Variants in DNAH5 observed in about 807,000 individuals in gnomAD.
The protein encoded by DNAH5 is dynein axonemal heavy chain 5.
A neutral mutation model predicts 518.2 loss-of-function variants in DNAH5; 372 were observed. The observed-to-expected ratio is 0.72, with a 90% CI of 0.66 to 0.78. The LOEUF (loss-of-function observed/expected upper bound fraction) is 0.78, where lower values mean the gene tolerates loss of function less well. DNAH5 is among the 30% of genes least tolerant of loss of function. The pLI, the probability that DNAH5 is intolerant of heterozygous loss-of-function variation, is 0.00. For missense variants in DNAH5, 5,523 were observed against 5,687.0 expected (o/e 0.97, Z 0.93); for synonymous variants, 2,039 against 2,025.9 (o/e 1.01, Z -0.17).
chr5:14,000,078 C>G (rs1216977771), intron 1 of DNAH5, among the ~76,000 whole-genome samples: 1 of 152,190 alleles, frequency 6.6e-6, no homozygotes, highest in Non-Finnish European at 1.5e-5. Flanking sequence ...CCAACCACCC[C>G]CAAAGTACTT....
At position 13,867,932 on chromosome 5, in the gene DNAH5, C is replaced by A. The variant is rs767853104; in HGVS notation, c.3895G>T (p.Val1299Phe). 63 of 1,613,958 alleles carry A rather than the reference C, an allele frequency of 3.9e-5. No individual in the cohort carries two copies. The highest frequency in any genetic ancestry group is 5.0e-5 in the Non-Finnish European group (59 of 1,179,984). ...LLIAREEIDK[V>F]DTLHYAWEKL... The stretch of plus-strand genomic sequence containing the variant: ...TCCCAAGCATAGTGCAGTGTATCAA[C>A]TTTGTCTATCTCTTCCCTTGCTATC... The change falls in exon 25 of 79, where the codon GTT (valine) becomes TTT (phenylalanine). Residue 1299 changes from valine (V) to phenylalanine (F), a missense_variant. Physicochemically the swap from Val to Phe is conservative, Grantham distance 50 (BLOSUM62 -1). Coordinates refer to ENST00000265104, the MANE Select transcript of DNAH5 (RefSeq NM_001369.3).
intron 68 of DNAH5, among the ~76,000 whole-genome samples, chr5:13,730,481 C>T (rs1746338405): frequency 6.6e-6 from 1 of 152,170 alleles, no homozygotes; most frequent in African/African-American, 2.4e-5. Context: ...GTAGCCCAGG[C>T]TGGAGTGCAG....
rs564678979 is a variant in DNAH5, at chr5:13,910,791, G to A, written c.1644+595C>T. ...AACTGGCTAGCCCAACCCCTTCCTCGGGAATCTGGAGCTGGCCTGGTCCTG... is the reference window on the plus strand; with the variant it reads ...AACTGGCTAGCCCAACCCCTTCCTCAGGAATCTGGAGCTGGCCTGGTCCTG... On this transcript the variant is annotated intron_variant, in intron 12 of 78. Coordinates refer to ENST00000265104, the MANE Select transcript of DNAH5 (RefSeq NM_001369.3). Among the ~76,000 whole-genome samples, 8 of 152,260 alleles carry A rather than the reference G, an allele frequency of 5.3e-5. No homozygotes were observed. In the East Asian group the frequency reaches 7.7e-4, roughly 15 times the overall value.
At chr5:13,943,041 C>T (rs1779608978) in intron 1 of DNAH5, among the ~76,000 whole-genome samples, 1 of 152,080 alleles carries the variant, frequency 6.6e-6, no homozygotes, top group South Asian at 2.1e-4. Context: ...AACCAGCATC[C>T]TAAATATATA....
chr5:13,740,283 A>G (rs1053888309), intron 65 of DNAH5, among the ~76,000 whole-genome samples: 1 of 151,950 alleles, frequency 6.6e-6, no homozygotes, highest in East Asian at 1.9e-4. Context: ...TCCCTACCCC[A>G]GCCTTACCCC....
intron 75 of DNAH5, among the ~76,000 whole-genome samples, chr5:13,711,867 CACAG>C (rs1302779661): frequency 2.0e-5 from 3 of 152,138 alleles, no homozygotes; most frequent in African/African-American, 7.2e-5. Context: ...TGAAAGAAAT[CACAG>C]ACAACACAAA....
chr5:13,715,560 G>A (rs1744180841), intron 74 of DNAH5, among the ~76,000 whole-genome samples: 1 of 152,166 alleles, frequency 6.6e-6, no homozygotes, highest in Non-Finnish European at 1.5e-5. Flanking sequence ...GTATATCAAA[G>A]CAACATGTAA....
At chr5:13,977,269 G>A (rs533657762) in intron 1 of DNAH5, among the ~76,000 whole-genome samples, 33 of 152,264 alleles carry the variant, frequency 2.2e-4, no homozygotes, top group African/African-American at 7.9e-4. Flanking sequence ...CTCAGGTGGA[G>A]GCTTGCCCAG....
At chr5:13,916,568 T>G (rs1031700345) in intron 8 of DNAH5, 113 bp from the exon 9 acceptor site, 1 of 559,414 alleles carries the variant, frequency 1.8e-6, no homozygotes, top group African/African-American at 1.9e-5. Context: ...TATTAAAGAT[T>G]TAAAAATACT....
At chr5:13,717,781 T>C (rs1024127254) in intron 72 of DNAH5, among the ~76,000 whole-genome samples, 32 of 152,110 alleles carry the variant, frequency 2.1e-4, no homozygotes, top group Non-Finnish European at 4.4e-5. Flanking sequence ...AACAAGATCA[T>C]GTGGGGGTAA....
intron 31 of DNAH5, among the ~76,000 whole-genome samples, chr5:13,848,560 G>T (rs569829822): frequency 6.6e-6 from 1 of 152,070 alleles, no homozygotes; most frequent in Admixed American, 6.5e-5. Flanking sequence ...TCACCATAAC[G>T]TAGAATCAGT....
rs185647069 is a variant in DNAH5 at position 13,823,283 on chromosome 5, C to G, written c.6667G>C (p.Glu2223Gln). 6.2e-7 allele frequency: 1 copy of G among 1,612,434 alleles called. No individual in the cohort carries two copies. The highest frequency in any genetic ancestry group is 1.7e-5 in the Admixed American group (1 of 60,012). ...LLDKAGYPEL[E>Q]AAISRQVEEA... ...ATTACCTGTCTACTAATTGCTGCTT[C>G]CAGTTCAGGGTAACCTGCCTTGTCC... The change falls in exon 40 of 79, where the codon GAA becomes CAA. Residue 2223 changes from glutamate (E) to glutamine (Q), a missense_variant. This residue lies in a region of DNAH5 where 5,121 missense variants were observed against 5,223.3 expected (regional missense o/e 0.98). Coordinates refer to ENST00000265104, the MANE Select transcript of DNAH5 (RefSeq NM_001369.3).
At chr5:13,748,455 T>C (rs1382581393) in intron 65 of DNAH5, among the ~76,000 whole-genome samples, 2 of 152,210 alleles carry the variant, frequency 1.3e-5, no homozygotes, top group Non-Finnish European at 2.9e-5. Flanking sequence ...ATTGAATCTA[T>C]AAATTACTTT....
At chr5:14,003,754 C>T (rs1784521549) in intron 1 of DNAH5, among the ~76,000 whole-genome samples, 1 of 152,248 alleles carries the variant, frequency 6.6e-6, no homozygotes, top group Non-Finnish European at 1.5e-5. Flanking sequence ...AAGCCTTGCT[C>T]TCTGGAATAC....
At position 13,850,577 on chromosome 5, in the gene DNAH5, G is replaced by C. The variant is rs1766688917; in HGVS notation, c.5114+75C>G. On this transcript the variant is annotated intron_variant, in intron 31 of 78. Coordinates refer to ENST00000265104, the MANE Select transcript of DNAH5 (RefSeq NM_001369.3). ...GCCTTAGCAAAAGAAAACAAATTTG[G>C]CTAATGCTATCTAGTCTCCCTGTAT... The C allele has an allele frequency of 6.7e-6, 9 of 1,340,116 alleles. No individual in the cohort carries two copies. In the South Asian group the frequency reaches 1.1e-4, roughly 16 times the overall value. The allele number at this position is 1,340,116 out of a possible 1,614,324, so 83.0% of individuals were successfully genotyped here.
chr5:13,740,001 G>A (rs1053449712), intron 65 of DNAH5, among the ~76,000 whole-genome samples: 5 of 152,006 alleles, frequency 3.3e-5, no homozygotes, highest in Admixed American at 6.6e-5. Flanking sequence ...AAAACTAAAC[G>A]TCTGATCCTC....
At chr5:13,924,853 T>C (rs1438111892) in intron 3 of DNAH5, among the ~76,000 whole-genome samples, 4 of 152,190 alleles carry the variant, frequency 2.6e-5, no homozygotes, top group African/African-American at 9.7e-5. Context: ...ATTGAGTAGA[T>C]AATTTAAGTA....
rs189535922 is a variant in DNAH5, at chr5:13,887,653, C to T, written c.2578-1524G>A. ...TGGCAAACCAGGAACCTACTAGACG[C>T]CATGTCTTCTCAAGGTCTCTTCACC... is the stretch of plus-strand genomic sequence containing the variant. On this transcript the variant is annotated intron_variant, in intron 17 of 78. Transcript: ENST00000265104. Among the ~76,000 whole-genome samples the T allele has an allele frequency of 1.5e-3, 229 of 152,304 alleles. 2 individuals carry two copies. The highest frequency in any genetic ancestry group is 5.3e-3 in the African/African-American group (221 of 41,568).
In DNAH5 at chr5:13,708,146, T is replaced by C. The variant is rs749024168; in HGVS notation, c.13315A>G (p.Arg4439Gly). The C allele has an allele frequency of 1.2e-6, 2 of 1,614,196 alleles. No individual in the cohort carries two copies. Among genetic ancestry groups the C allele is most frequent in the East Asian group, 2.2e-5 (1 of 44,884 alleles). Residue 4439 changes from arginine to glycine, a missense_variant, in exon 76 of 79, where the codon AGA becomes GGA. This residue lies in a region of DNAH5 where 387 missense variants were observed against 430.0 expected (regional missense o/e 0.90). Coordinates refer to ENST00000265104, the MANE Select transcript of DNAH5 (RefSeq NM_001369.3). ...RDALDCMFDA[R>G]IPAWWKKASW... ...ACTTTTTTCCACCAAGCAGGGATTC[T>C]AGCATCAAACATGCAATCCAATGCA...
Sources: allele counts gnomAD v4.1 joint callset (sites outside exome capture counted in the v4.1 genomes callset), GRCh38; gene constraint gnomAD v4.1.1; regional missense constraint gnomAD v4.1.1; transcripts MANE v1.5; gene names NCBI Gene and HGNC (gene_info 2026-07-23, HGNC 2026-07-21).